CLEC16A: variants seen among roughly 807,000 people sequenced by gnomAD.
The protein encoded by CLEC16A is C-type lectin domain containing 16A.
Under a neutral mutation model 109.5 loss-of-function variants are expected in CLEC16A, and 51 were observed. That is an observed-to-expected ratio of 0.47 (90% confidence interval 0.37 to 0.59). The LOEUF (loss-of-function observed/expected upper bound fraction) is 0.59. CLEC16A is among the 20% of genes least tolerant of loss of function. The probability of loss-of-function intolerance (pLI) is 0.00; values close to 1 mark genes in which losing one functional copy is unlikely to be tolerated. For synonymous variants in CLEC16A, 673 were observed against 564.2 expected, an observed-to-expected ratio of 1.19 and a Z score of -2.73; for missense variants, 1,339 against 1,394.0, an observed-to-expected ratio of 0.96 and a Z score of 0.63.
At chr16:11,080,251 G>C (rs1373466433) in intron 19 of CLEC16A, among the ~76,000 whole-genome samples, 1 of 152,234 alleles carries the variant, frequency 6.6e-6, no homozygotes, top group African/African-American at 2.4e-5. Context: ...ATCTAGCACA[G>C]TGATGCACTT....
At chr16:10,972,462 C>T (rs1236520439) in intron 5 of CLEC16A, 92 bp from the exon 6 acceptor site, 1 of 1,133,620 alleles carries the variant, frequency 8.8e-7, no homozygotes, top group Admixed American at 1.9e-5. Context: ...TCCCTCTGAG[C>T]AGCTCTCTCA....
intron 22 of CLEC16A, among the ~76,000 whole-genome samples, chr16:11,156,325 G>C (rs548747405): frequency 6.7e-6 from 1 of 150,154 alleles, no homozygotes; most frequent in East Asian, 2.0e-4. Flanking sequence ...AGCCAGGATT[G>C]TGCCACTGCA....
rs1440687087 is a variant in CLEC16A at position 11,123,895 on chromosome 16, C to G, written c.2422C>G (p.Leu808Val). 1.2e-6 allele frequency: 2 copies of G among 1,613,800 alleles called. No individual in the cohort carries two copies. The highest frequency in any genetic ancestry group is 2.7e-5 in the African/African-American group (2 of 74,950). Residue 808 changes from leucine (L) to valine (V), a missense_variant, in exon 21 of 24, where the codon CTG (leucine) becomes GTG (valine). Around this residue, in one of 3 missense-constraint regions of CLEC16A, gnomAD observed 1,061 missense variants for 1,006.8 expected, o/e 1.05. Coordinates refer to ENST00000409790, the MANE Select transcript of CLEC16A (RefSeq NM_015226.3). ...CCGCTGCATCATCGCCAAGCAGCGC[C>G]TGGCCAAAGGCCGCATCCAGGCAAG... Reference protein sequence around the residue: ...HIRCIIAKQRLAKGRIQARRM... With the variant: ...HIRCIIAKQRVAKGRIQARRM...
intron 19 of CLEC16A, among the ~76,000 whole-genome samples, chr16:11,108,117 C>G (rs137936546): frequency 1.1e-3 from 170 of 152,366 alleles, no homozygotes; most frequent in East Asian, 0.01. Context: ...TGTCCAGCAG[C>G]TTGGAAGGGT....
chr16:10,971,287 C>T, intron 5 of CLEC16A, 57 bp downstream of exon 5: 1 of 1,256,926 alleles, frequency 8.0e-7, no homozygotes, highest in Admixed American at 1.9e-5. Context: ...AGCAAGCACT[C>T]ACTCCCGTGT....
At chr16:11,114,290 T>C (rs1205071523) in intron 19 of CLEC16A, among the ~76,000 whole-genome samples, 1 of 152,146 alleles carries the variant, frequency 6.6e-6, no homozygotes, top group Non-Finnish European at 1.5e-5. Context: ...TAGGGATAAT[T>C]GATCTGATCA....
At chr16:11,035,434 A>G (rs376341391) in intron 13 of CLEC16A, among the ~76,000 whole-genome samples, 71 of 152,356 alleles carry the variant, frequency 4.7e-4, no homozygotes, top group African/African-American at 1.6e-3. Flanking sequence ...CCACTAGATC[A>G]CATGACATAC....
At chr16:11,060,586 T>C (rs2048427808) in intron 18 of CLEC16A, among the ~76,000 whole-genome samples, 3 of 152,224 alleles carry the variant, frequency 2.0e-5, no homozygotes, top group African/African-American at 7.2e-5. Flanking sequence ...TGGGGCTGAC[T>C]GCTGGGCAGG....
chr16:11,147,524 T>G (rs1307622563), intron 22 of CLEC16A, among the ~76,000 whole-genome samples: 1 of 152,130 alleles, frequency 6.6e-6, no homozygotes, highest in Non-Finnish European at 1.5e-5. Context: ...GGGTTAGGAG[T>G]AAAGTGTTTG....
chr16:11,129,578 C>G (rs2053053572), intron 22 of CLEC16A, among the ~76,000 whole-genome samples: 1 of 152,216 alleles, frequency 6.6e-6, no homozygotes, highest in South Asian at 2.1e-4. Flanking sequence ...TTGAGACCCA[C>G]TCCTGTAAAT....
chr16:11,055,412 A>G (rs1027616340), intron 18 of CLEC16A, among the ~76,000 whole-genome samples: 3 of 152,012 alleles, frequency 2.0e-5, no homozygotes, highest in African/African-American at 7.3e-5. Flanking sequence ...CTTTCCAAAC[A>G]GGGAACAGCA....
At chr16:10,957,000 T>G (rs905539460) in intron 1 of CLEC16A, among the ~76,000 whole-genome samples, 2 of 152,210 alleles carry the variant, frequency 1.3e-5, no homozygotes, top group Non-Finnish European at 2.9e-5. Flanking sequence ...TTTCGCCATG[T>G]TGACCAGGCT....
At chr16:11,080,433 G>A (rs2049637844) in intron 19 of CLEC16A, among the ~76,000 whole-genome samples, 1 of 152,178 alleles carries the variant, frequency 6.6e-6, no homozygotes, top group Non-Finnish European at 1.5e-5. Flanking sequence ...GACAACCTGG[G>A]GAAGGGCCTT....
chr16:11,034,420 C>A (rs938911700), intron 13 of CLEC16A, among the ~76,000 whole-genome samples: 2 of 152,160 alleles, frequency 1.3e-5, no homozygotes, highest in Non-Finnish European at 2.9e-5. Flanking sequence ...TGGTCTGGGT[C>A]TTTTACCTCT....
intron 11 of CLEC16A, among the ~76,000 whole-genome samples, chr16:11,007,536 G>A (rs908882664): frequency 6.6e-6 from 1 of 152,216 alleles, no homozygotes; most frequent in Non-Finnish European, 1.5e-5. Context: ...TCCACCTATA[G>A]AGGGGACTTC....
intron 11 of CLEC16A, among the ~76,000 whole-genome samples, chr16:11,015,911 C>T (rs2045717891): frequency 6.6e-6 from 1 of 152,226 alleles, no homozygotes; most frequent in Non-Finnish European, 1.5e-5. Context: ...CGTCCTCTGC[C>T]TCATGGGGCA....
At chr16:10,964,759 ATG>A (rs2042420459) in intron 3 of CLEC16A, among the ~76,000 whole-genome samples, 1 of 152,196 alleles carries the variant, frequency 6.6e-6, no homozygotes, top group South Asian at 2.1e-4. Flanking sequence ...TATATATTTA[ATG>A]TGTACAACTT....
chr16:10,984,836 G>A lies in CLEC16A; in HGVS notation c.1071+1845G>A, dbSNP rs2043530667. On this transcript the variant is annotated intron_variant, in intron 10 of 23. Transcript: ENST00000409790. ...CCTGCCAGCCACCTGGTCTCGGGCA[G>A]GTTGTTTCACTCCATTTAGAAAACA... 2.6e-5 allele frequency among the ~76,000 whole-genome samples: 4 copies of A among 152,218 alleles called. No individual in the cohort carries two copies. The South Asian group carries it at 8.3e-4, about 31-fold the overall frequency.
chr16:11,043,985 A>C, intron 15 of CLEC16A, 43 bp from the exon 16 acceptor site: 1 of 1,555,916 alleles, frequency 6.4e-7, no homozygotes, highest in Non-Finnish European at 8.7e-7. Context: ...TTGCTCACCT[A>C]TATGAGACCT....
Sources: allele counts gnomAD v4.1 joint callset (sites outside exome capture counted in the v4.1 genomes callset), GRCh38; gene constraint gnomAD v4.1.1; regional missense constraint gnomAD v4.1.1; transcripts MANE v1.5; gene names NCBI Gene and HGNC (gene_info 2026-07-23, HGNC 2026-07-21).